WASHC2C: variants seen among roughly 807,000 people sequenced by gnomAD.
The protein encoded by WASHC2C is WASH complex subunit 2C.
In WASHC2C, 73 loss-of-function variants were observed where a neutral mutation model predicts 142.2. That is an observed-to-expected ratio of 0.51 (90% CI 0.43 to 0.62). The LOEUF (loss-of-function observed/expected upper bound fraction) is 0.62, where lower values mean the gene tolerates loss of function less well. Among genes scored for constraint, WASHC2C ranks in the 20% least tolerant of loss-of-function variants. The probability of loss-of-function intolerance (pLI) is 0.00; values close to 1 mark genes in which losing one functional copy is unlikely to be tolerated. For missense variants in WASHC2C, 969 were observed against 1,531.7 expected (o/e 0.63, Z 6.13); for synonymous variants, 337 against 565.5 (o/e 0.60, Z 5.73).
intron 28 of WASHC2C, among the ~76,000 whole-genome samples, chr10:45,788,567 A>G (rs2058213922): frequency 6.6e-6 from 1 of 152,260 alleles, no homozygotes; most frequent in South Asian, 2.1e-4. Flanking sequence ...CAACATGCCT[A>G]CTTTCCAGGT....
At position 45,750,757 on chromosome 10, in the gene WASHC2C, A is replaced by G; in HGVS notation, c.850A>G (p.Ser284Gly). 2 of 1,548,464 alleles carry G rather than the reference A, an allele frequency of 1.3e-6. No homozygotes were observed. Among genetic ancestry groups the G allele is most frequent in the Admixed American group, 2.0e-5 (1 of 50,934 alleles). Residue 284 changes from serine to glycine, a missense_variant, in exon 10 of 31, where the codon AGC becomes GGC. Transcript: ENST00000623400. ...DIEENTRPKR[S>G]RPTSFADELA... is the part of the protein sequence containing the mutation. Reference sequence around the variant, plus strand: ...TTGATTTCTCCTGCTGTAGAAAAGAAGCAGACCTACATCGTTTGCAGATGA... The same window carrying G: ...TTGATTTCTCCTGCTGTAGAAAAGAGGCAGACCTACATCGTTTGCAGATGA...
intron 13 of WASHC2C, among the ~76,000 whole-genome samples, chr10:45,754,103 GTTCT>G (rs2053945629): frequency 6.6e-6 from 1 of 151,960 alleles, no homozygotes; most frequent in South Asian, 2.1e-4. Flanking sequence ...TGTTTTTGCG[GTTCT>G]TTTTCACCCG....
rs548814433 is a variant in WASHC2C, at chr10:45,728,230, A to G, written c.127-632A>G. 2.6e-5 allele frequency among the ~76,000 whole-genome samples: 4 copies of G among 152,206 alleles called. No individual in the cohort carries two copies. In the East Asian group the frequency reaches 7.8e-4, roughly 30 times the overall value. On this transcript the variant is annotated intron_variant, in intron 2 of 30. Transcript: ENST00000623400. ...TTTTAGTAGAGATGGGGGTCTTGCTATGTTGCCCAGACTGGTCTGCAACTC... is the reference window on the plus strand; with the variant it reads ...TTTTAGTAGAGATGGGGGTCTTGCTGTGTTGCCCAGACTGGTCTGCAACTC...
intron 8 of WASHC2C, among the ~76,000 whole-genome samples, chr10:45,749,822 T>A (rs1486266825): frequency 3.7e-5 from 2 of 53,822 alleles, no homozygotes; most frequent in African/African-American, 7.3e-5. Flanking sequence ...CAAGACTCCA[T>A]CTCAAAAAAA....
At chr10:45,752,763 G>C (rs2053765191) in intron 12 of WASHC2C, 57 bp downstream of exon 12, 1 of 1,196,620 alleles carries the variant, frequency 8.4e-7, no homozygotes, top group Non-Finnish European at 1.2e-6. Flanking sequence ...GGGGTCCACA[G>C]GGAAGATATA....
chr10:45,742,736 C>T (rs1554868793), intron 5 of WASHC2C, among the ~76,000 whole-genome samples: 4 of 151,988 alleles, frequency 2.6e-5, no homozygotes, highest in Non-Finnish European at 5.9e-5. Flanking sequence ...GGACCTTATA[C>T]TAGGAGGTTG....
chr10:45,761,595 A>G (rs2055093160), intron 17 of WASHC2C, among the ~76,000 whole-genome samples: 1 of 152,198 alleles, frequency 6.6e-6, no homozygotes, highest in African/African-American at 2.4e-5. Flanking sequence ...AGTAAGAGTT[A>G]AAGCTTTGGA....
rs545311656 is a variant in WASHC2C at position 45,728,864 on chromosome 10, A to G, written c.129A>G (p.Leu43=). Residue 43 remains leucine (L), a splice_region_variant and synonymous_variant, in exon 3 of 31, where the codon CTA becomes CTG. Transcript: ENST00000623400. ...TGTATGTTTATTTTTTAAAATAGCTACTACAGTTTCTACAGGAATTCTCAC... is the reference window on the plus strand; with the variant it reads ...TGTATGTTTATTTTTTAAAATAGCTGCTACAGTTTCTACAGGAATTCTCAC... ...QSWSLAADAG[L]LQFLQEFSQQ... The G allele has an allele frequency of 6.2e-7, 1 of 1,613,062 alleles. No individual in the cohort carries two copies. Among genetic ancestry groups the G allele is most frequent in the East Asian group, 2.2e-5 (1 of 44,864 alleles).
At chr10:45,782,295 A>G (rs1485478257) in intron 23 of WASHC2C, among the ~76,000 whole-genome samples, 4 of 152,084 alleles carry the variant, frequency 2.6e-5, no homozygotes, top group African/African-American at 7.2e-5. Context: ...CTGAAAAAAA[A>G]TAGGTAAGAC....
intron 5 of WASHC2C, 109 bp from the exon 6 acceptor site, chr10:45,743,281 C>T (rs2052374340): frequency 7.7e-6 from 12 of 1,566,870 alleles, no homozygotes; most frequent in South Asian, 6.7e-5. Context: ...TCTCCACCTT[C>T]GTTATGTAGC....
chr10:45,745,317 T>G (rs1418563939), intron 7 of WASHC2C, among the ~76,000 whole-genome samples: 48 of 152,220 alleles, frequency 3.2e-4, no homozygotes, highest in Admixed American at 7.2e-4. Flanking sequence ...ACTTACATTC[T>G]ATTTTGCTGC....
intron 30 of WASHC2C, among the ~76,000 whole-genome samples, chr10:45,792,033 T>C (rs2058425357): frequency 6.9e-6 from 1 of 145,090 alleles, no homozygotes; most frequent in South Asian, 2.2e-4. Context: ...ATACATACAC[T>C]TTTGTAGCTG....
intron 17 of WASHC2C, among the ~76,000 whole-genome samples, chr10:45,760,969 A>G (rs1399395693): frequency 1.3e-5 from 2 of 151,876 alleles, no homozygotes; most frequent in Non-Finnish European, 2.9e-5. Context: ...ATTAGACAAG[A>G]AAACCAAATG....
chr10:45,755,346 T>C (rs1181660299), intron 15 of WASHC2C, among the ~76,000 whole-genome samples: 1 of 152,414 alleles, frequency 6.6e-6, no homozygotes, highest in Non-Finnish European at 1.5e-5. Context: ...ATTTTCCTTA[T>C]AGAGAGCTGA....
intron 23 of WASHC2C, among the ~76,000 whole-genome samples, chr10:45,783,065 G>A (rs1250579177): frequency 5.9e-5 from 9 of 151,408 alleles, no homozygotes; most frequent in East Asian, 5.8e-4. Flanking sequence ...CATTTTATAC[G>A]TAAATGGGTA....
At chr10:45,761,310 G>A (rs1226025479) in intron 17 of WASHC2C, among the ~76,000 whole-genome samples, 189 of 150,278 alleles carry the variant, frequency 1.3e-3, no homozygotes, top group Admixed American at 2.0e-3. Context: ...GAGAGAGCCC[G>A]ATGGAGGCCA....
rs868961393 is a variant in WASHC2C, at chr10:45,730,173, C to T, written c.291+1147C>T. On this transcript the variant is annotated intron_variant, in intron 3 of 30. Transcript: ENST00000623400. Reference sequence around the variant, plus strand: ...CAGCCTGACCAACATGGAGAAACCCCGTCTCTACTAAAAAAATACAAAATT... The same window carrying T: ...CAGCCTGACCAACATGGAGAAACCCTGTCTCTACTAAAAAAATACAAAATT... Among the ~76,000 whole-genome samples the T allele has an allele frequency of 5.7e-3, 736 of 128,084 alleles. 6 individuals carry two copies. The highest frequency in any genetic ancestry group is 0.021 in the African/African-American group (691 of 33,332). 84.0% of individuals were successfully genotyped at this position (128,084 alleles called of 152,430 possible).
chr10:45,738,694 A>AT lies in WASHC2C; in HGVS notation c.354+655dup, dbSNP rs1213777230. 2.1e-4 allele frequency among the ~76,000 whole-genome samples: 32 copies of AT among 152,132 alleles called. No homozygotes were observed. The East Asian group carries it at 5.6e-3, about 27-fold the overall frequency. On this transcript the variant is annotated intron_variant, in intron 4 of 30. Coordinates refer to ENST00000623400, the MANE Select transcript of WASHC2C (RefSeq NM_001330074.2). ...TTTTTTAAAAAAGTTATTTTATTTT[A>AT]TTTTTTATTTAAAAAATTTTTTTAT...
intron 8 of WASHC2C, among the ~76,000 whole-genome samples, chr10:45,749,291 C>T (rs528903254): frequency 2.2e-4 from 33 of 151,104 alleles, no homozygotes; most frequent in African/African-American, 7.6e-4. Flanking sequence ...AAAAATTAGC[C>T]GGGCGTGGTG....
Sources: gnomAD v4.1 joint callset for allele counts (sites outside exome capture counted in the v4.1 genomes callset) on GRCh38, gnomAD v4.1.1 for gene constraint, MANE v1.5 for transcripts, NCBI Gene and HGNC (gene_info 2026-07-23, HGNC 2026-07-21) for gene names.